The following PRSS23 variants were observed in gnomAD, a reference collection of about 807,000 sequenced individuals.
PRSS23 encodes the protein protease, serine 23.
Under a neutral mutation model 34.7 loss-of-function variants are expected in PRSS23, and 25 were observed. The ratio of observed to expected loss-of-function variants is 0.72; its 90% CI spans 0.53 to 1.01. The LOEUF (loss-of-function observed/expected upper bound fraction) is 1.01, where lower values mean the gene tolerates loss of function less well. Among genes scored for constraint, PRSS23 ranks in the 50% least tolerant of loss-of-function variants. The pLI, the probability that PRSS23 is intolerant of heterozygous loss-of-function variation, is 0.00. For synonymous variants in PRSS23, 176 were observed against 186.6 expected (o/e 0.94, Z 0.46); for missense variants, 445 against 475.6 (o/e 0.94, Z 0.60).
At chr11:86,818,461 G>A (rs149124416) in intron 1 of PRSS23, among the ~76,000 whole-genome samples, 4,208 of 151,964 alleles carry the variant, frequency 0.028, 86 homozygotes, top group Non-Finnish European at 0.042. Context: ...AAGTGTTTCC[G>A]ACCATTTAGA....
At chr11:86,861,126 C>A (rs966305833) in intron 2 of PRSS23, among the ~76,000 whole-genome samples, 11 of 151,896 alleles carry the variant, frequency 7.2e-5, no homozygotes, top group Admixed American at 5.2e-4. Context: ...TGTCCACCCC[C>A]CTGTGATATA....
chr11:86,830,407 G>T (rs1948344001), intron 2 of PRSS23, among the ~76,000 whole-genome samples: 1 of 152,154 alleles, frequency 6.6e-6, no homozygotes, highest in Non-Finnish European at 1.5e-5. Flanking sequence ...CCCTTTCTTT[G>T]ACTAGAAAAG....
At chr11:86,901,673 T>C (rs1464849207) in intron 2 of PRSS23, among the ~76,000 whole-genome samples, 2 of 152,140 alleles carry the variant, frequency 1.3e-5, no homozygotes, top group Admixed American at 6.5e-5. Context: ...CATACAGTCA[T>C]TCACATAAAT....
chr11:86,819,806 T>C (rs181675987), intron 1 of PRSS23, among the ~76,000 whole-genome samples: 12 of 152,350 alleles, frequency 7.9e-5, no homozygotes, highest in African/African-American at 1.4e-4. Flanking sequence ...CTTTTAAATA[T>C]AAAAAGTTCC....
chr11:86,833,887 T>C (rs1185268360), intron 2 of PRSS23, among the ~76,000 whole-genome samples: 1 of 152,076 alleles, frequency 6.6e-6, no homozygotes, highest in East Asian at 1.9e-4. Context: ...TCTTGCTGAA[T>C]TGGGGCATAG....
intron 2 of PRSS23, among the ~76,000 whole-genome samples, chr11:86,897,697 C>G (rs1370007313): frequency 6.6e-6 from 1 of 152,124 alleles, no homozygotes; most frequent in Non-Finnish European, 1.5e-5. Context: ...TTTCAAACTC[C>G]TGGCCTCAAG....
intron 2 of PRSS23, among the ~76,000 whole-genome samples, chr11:86,858,801 C>T (rs185467020): frequency 1.5e-4 from 23 of 150,746 alleles, no homozygotes; most frequent in African/African-American, 5.1e-4. Context: ...GTGTACACTC[C>T]TCCTATAATA....
intron 2 of PRSS23, among the ~76,000 whole-genome samples, chr11:86,902,373 T>A (rs560584117): frequency 1.1e-4 from 17 of 152,330 alleles, no homozygotes; most frequent in African/African-American, 3.9e-4. Flanking sequence ...TGGTACTTAA[T>A]TTTTTTCTTT....
chr11:86,951,668 A>G (rs141140009), exon 3 of PRSS23: 1 of 1,614,064 alleles, frequency 6.2e-7, no homozygotes, highest in African/African-American at 1.3e-5. Context: ...TCTCATAATC[A>G]AGATGACAAT....
chr11:86,829,701 C>T (rs1353081794), intron 2 of PRSS23, among the ~76,000 whole-genome samples: 1 of 152,156 alleles, frequency 6.6e-6, no homozygotes, highest in East Asian at 1.9e-4. Context: ...AGTTTTCCTT[C>T]TAAGAGACAG....
intron 2 of PRSS23, among the ~76,000 whole-genome samples, chr11:86,939,432 T>TTTTTTAA (rs1555084024): frequency 6.3e-5 from 7 of 111,624 alleles, no homozygotes; most frequent in Admixed American, 2.0e-4. Context: ...ATATATTTTT[T>TTTTTTAA]AACATGAGTA....
intron 2 of PRSS23, among the ~76,000 whole-genome samples, chr11:86,938,843 C>T (rs1055518380): frequency 2.0e-5 from 3 of 152,000 alleles, no homozygotes; most frequent in Non-Finnish European, 2.9e-5. Context: ...CTAAGAAGGC[C>T]CCTGTAAAGC....
At chr11:86,821,595 A>G in intron 1 of PRSS23, 1 of 1,606,542 alleles carries the variant, frequency 6.2e-7, no homozygotes. Context: ...AGCTCAAGAC[A>G]GAATTCCCTT....
chr11:86,904,768 C>A (rs941093581), intron 2 of PRSS23, among the ~76,000 whole-genome samples: 4 of 151,984 alleles, frequency 2.6e-5, no homozygotes, highest in African/African-American at 9.7e-5. Context: ...TACCACTGGG[C>A]CAGATATGGT....
At chr11:86,901,004 C>G (rs954526036) in intron 2 of PRSS23, among the ~76,000 whole-genome samples, 5 of 151,806 alleles carry the variant, frequency 3.3e-5, no homozygotes, top group Non-Finnish European at 7.4e-5. Context: ...AGGCTGGTCT[C>G]GAACTCCTAA....
rs11234873 is a variant in PRSS23 at position 86,917,047 on chromosome 11, C to G, written c.207-34169C>G. Among the ~76,000 whole-genome samples, 1,030 of 152,280 alleles carry G rather than the reference C, an allele frequency of 6.8e-3. 17 individuals carry two copies. The highest frequency in any genetic ancestry group is 0.06 in the East Asian group (311 of 5,176). The stretch of plus-strand genomic sequence containing the variant: ...GCAATTAAATTTGTGGAGCCGGGCG[C>G]GGTCGCTCACGCCTGTAATCCCAGC... On this transcript the variant is annotated intron_variant, in intron 2 of 2. Transcript: ENST00000533902.
intron 1 of PRSS23, among the ~76,000 whole-genome samples, chr11:86,817,583 A>G (rs1321387045): frequency 6.6e-6 from 1 of 152,198 alleles, no homozygotes; most frequent in Non-Finnish European, 1.5e-5. Context: ...CAAGAGTATC[A>G]CTATTCAGCT....
intron 1 of PRSS23, 130 bp from the exon 2 acceptor site, chr11:86,807,501 C>A: frequency 1.1e-6 from 1 of 903,032 alleles, no homozygotes; most frequent in Non-Finnish European, 1.7e-6. Context: ...GGATTCCTCT[C>A]CACACCCTGA....
intron 2 of PRSS23, among the ~76,000 whole-genome samples, chr11:86,870,365 G>T (rs144865545): frequency 1.3e-5 from 2 of 152,072 alleles, no homozygotes; most frequent in Non-Finnish European, 2.9e-5. Flanking sequence ...GATAGAAATA[G>T]GGCCTCGTAC....
Sources: allele counts gnomAD v4.1 joint callset (sites outside exome capture counted in the v4.1 genomes callset), GRCh38; gene constraint gnomAD v4.1.1; transcripts MANE v1.5; gene names NCBI Gene and HGNC (gene_info 2026-07-23, HGNC 2026-07-21).